PABPC4L: variants seen among roughly 807,000 people sequenced by gnomAD.
PABPC4L encodes poly(A) binding protein cytoplasmic 4 like.
For synonymous variants in PABPC4L, 169 were observed against 164.1 expected, an observed-to-expected ratio of 1.03 and a Z score of -0.23; for missense variants, 452 against 451.4, an observed-to-expected ratio of 1.00 and a Z score of -0.01.
the PABPC4L span, among the ~76,000 whole-genome samples, chr4:134,070,364 G>A: frequency 1.3e-5 from 2 of 152,200 alleles, no homozygotes; most frequent in African/African-American, 4.8e-5. Context: ...AGCAGTGGGG[G>A]CTGGGCTGAC....
At chr4:133,966,130 T>C in the PABPC4L span, among the ~76,000 whole-genome samples, 1 of 151,522 alleles carries the variant, frequency 6.6e-6, no homozygotes, top group African/African-American at 2.4e-5. Context: ...AAAAAACAAT[T>C]CCATCAAAAA....
the PABPC4L span, among the ~76,000 whole-genome samples, chr4:134,165,568 A>G: frequency 7.2e-5 from 11 of 152,210 alleles, no homozygotes. Flanking sequence ...GGAAATGCAA[A>G]TTAAAACCAT....
the PABPC4L span, among the ~76,000 whole-genome samples, chr4:134,178,390 C>T: frequency 1.4e-5 from 2 of 146,520 alleles, no homozygotes; most frequent in Admixed American, 1.4e-4. Context: ...AAAAAAAATC[C>T]CCACAAGGAC....
the PABPC4L span, among the ~76,000 whole-genome samples, chr4:133,958,800 C>G: frequency 6.4e-4 from 97 of 152,172 alleles, no homozygotes; most frequent in African/African-American, 2.2e-3. Context: ...AGTAACTGCC[C>G]CTAAGATTCA....
chr4:134,006,248 C>T, the PABPC4L span, among the ~76,000 whole-genome samples: 1 of 151,398 alleles, frequency 6.6e-6, no homozygotes, highest in East Asian at 1.9e-4. Context: ...TATAACATTT[C>T]TTTGTGATTT....
At chr4:134,040,084 A>G in the PABPC4L span, among the ~76,000 whole-genome samples, 3 of 152,130 alleles carry the variant, frequency 2.0e-5, no homozygotes, top group Non-Finnish European at 4.4e-5. Flanking sequence ...AACAAATGGA[A>G]AAACATGTCA....
chr4:134,131,533 C>T, the PABPC4L span, among the ~76,000 whole-genome samples: 1 of 151,586 alleles, frequency 6.6e-6, no homozygotes, highest in Non-Finnish European at 1.5e-5. Flanking sequence ...CAAAACACTG[C>T]TGAGAGAAAT....
chr4:133,958,646 AG>A, the PABPC4L span, among the ~76,000 whole-genome samples: 1 of 152,216 alleles, frequency 6.6e-6, no homozygotes, highest in Non-Finnish European at 1.5e-5. Context: ...GGAAGGCCTC[AG>A]GACACTGACA....
the PABPC4L span, among the ~76,000 whole-genome samples, chr4:134,091,795 G>A: frequency 2.6e-5 from 4 of 151,762 alleles, no homozygotes; most frequent in Non-Finnish European, 5.9e-5. Context: ...TAATAATCTA[G>A]TGAATTATAT....
At chr4:134,130,401 C>T in the PABPC4L span, among the ~76,000 whole-genome samples, 1 of 152,050 alleles carries the variant, frequency 6.6e-6, no homozygotes, top group African/African-American at 2.4e-5. Context: ...ATTATGAATG[C>T]CTTTATGCAG....
chr4:134,014,001 A>C, the PABPC4L span, among the ~76,000 whole-genome samples: 1 of 152,164 alleles, frequency 6.6e-6, no homozygotes, highest in Non-Finnish European at 1.5e-5. Context: ...CTAAAGGCAT[A>C]GTCAAGGTTA....
At chr4:134,013,659 G>A in the PABPC4L span, among the ~76,000 whole-genome samples, 1 of 152,046 alleles carries the variant, frequency 6.6e-6, no homozygotes, top group African/African-American at 2.4e-5. Context: ...GGTGCCTGAT[G>A]TCCAGGCATT....
At chr4:134,128,534 AT>A in the PABPC4L span, among the ~76,000 whole-genome samples, 1 of 152,218 alleles carries the variant, frequency 6.6e-6, no homozygotes, top group South Asian at 2.1e-4. Context: ...TCAGCCAAAA[AT>A]TTTGTATCCA....
chr4:133,961,226 C>T, the PABPC4L span, among the ~76,000 whole-genome samples: 1 of 152,166 alleles, frequency 6.6e-6, no homozygotes, highest in Admixed American at 6.5e-5. Context: ...ACAGACAGTT[C>T]ACATCACAAG....
chr4:134,128,427 C>A, the PABPC4L span, among the ~76,000 whole-genome samples: 4 of 152,202 alleles, frequency 2.6e-5, no homozygotes, highest in South Asian at 8.3e-4. Context: ...CATCAGGTAA[C>A]CTATAAAGGA....
the PABPC4L span, among the ~76,000 whole-genome samples, chr4:133,998,431 C>T: frequency 5.3e-5 from 8 of 151,662 alleles, no homozygotes; most frequent in South Asian, 1.7e-3. Flanking sequence ...TTTATATCTA[C>T]TTGATTCTAT....
chr4:134,151,264 G>A, the PABPC4L span, among the ~76,000 whole-genome samples: 1 of 151,982 alleles, frequency 6.6e-6, no homozygotes, highest in Non-Finnish European at 1.5e-5. Context: ...ATACTTTACT[G>A]TATATGTATT....
At chr4:134,042,442 A>G in the PABPC4L span, among the ~76,000 whole-genome samples, 1 of 152,270 alleles carries the variant, frequency 6.6e-6, no homozygotes, top group East Asian at 1.9e-4. Flanking sequence ...TAAAGCTATT[A>G]ATTTTTTAAA....
At chr4:134,054,032 G>A in the PABPC4L span, among the ~76,000 whole-genome samples, 1 of 151,430 alleles carries the variant, frequency 6.6e-6, no homozygotes, top group Admixed American at 6.6e-5. Flanking sequence ...CTGGTCATCT[G>A]CAGTACATTT....
Sources: allele counts gnomAD v4.1 joint callset (sites outside exome capture counted in the v4.1 genomes callset), GRCh38; gene constraint gnomAD v4.1.1; transcripts MANE v1.5; gene names NCBI Gene and HGNC (gene_info 2026-07-23, HGNC 2026-07-21).